Variants in GTSF1 observed in about 807,000 individuals in gnomAD.
GTSF1 encodes gametocyte-specific factor 1.
Under a neutral mutation model 28.9 loss-of-function variants are expected in GTSF1, and 11 were observed. The ratio of observed to expected loss-of-function variants is 0.38; its 90% CI spans 0.24 to 0.63. The LOEUF is 0.63. Among genes scored for constraint, GTSF1 ranks in the 30% least tolerant of loss-of-function variants. The pLI, the probability that GTSF1 is intolerant of heterozygous loss-of-function variation, is 0.56. For missense variants in GTSF1, 146 were observed against 201.0 expected, an observed-to-expected ratio of 0.73 and a Z score of 1.66; for synonymous variants, 69 against 65.6, an observed-to-expected ratio of 1.05 and a Z score of -0.25.
Position 54,461,182 on chromosome 12 carries a change from C to A in GTSF1, c.393-711G>T, listed in dbSNP as rs143980978. On this transcript the variant is annotated intron_variant, in intron 6 of 8. Transcript: ENST00000305879. Reference sequence around the variant, plus strand: ...GATCATGGCTCACTGCAGCCTCGACCTCCTGGGCTTAAATGATCCTCTGGT... The same window carrying A: ...GATCATGGCTCACTGCAGCCTCGACATCCTGGGCTTAAATGATCCTCTGGT... 2.0e-3 allele frequency among the ~76,000 whole-genome samples: 298 copies of A among 152,202 alleles called. 1 individual carries two copies. The highest frequency in any genetic ancestry group is 6.8e-3 in the African/African-American group (281 of 41,532).
At chr12:54,460,578 T>C in intron 6 of GTSF1, 107 bp from the exon 7 acceptor site, 1 of 688,246 alleles carries the variant, frequency 1.5e-6, no homozygotes, top group Non-Finnish European at 2.6e-6. Flanking sequence ...AACAACAACC[T>C]ACATTCATCT....
In GTSF1 at chr12:54,460,459, G is replaced by A. The variant is rs1195576779; in HGVS notation, c.405C>T (p.Asn135=). ...GGTTATTCTTATGTTCTGTAACTAT[G>A]TTGCTCGCAGGGCTGCAAAAAGATG... The part of the protein sequence containing the change: ...HYSDNNSPAS[N]IVTEHKNNLA... The change falls in exon 7 of 9, where the codon AAC becomes AAT. Residue 135 remains asparagine, a synonymous_variant. Transcript: ENST00000305879. 5.6e-6 allele frequency: 9 copies of A among 1,613,094 alleles called. No individual in the cohort carries two copies. The highest frequency in any genetic ancestry group is 7.6e-6 in the Non-Finnish European group (9 of 1,179,288).
chr12:54,463,143 CTGAAA>C, intron 4 of GTSF1, 23 bp downstream of exon 4: 1 of 1,607,234 alleles, frequency 6.2e-7, no homozygotes, highest in Non-Finnish European at 8.5e-7. Context: ...CCCTCCAGTA[CTGAAA>C]TATTTTAGAT....
intron 2 of GTSF1, 27 bp from the exon 3 acceptor site, chr12:54,465,194 T>C: frequency 1.3e-6 from 2 of 1,496,680 alleles, no homozygotes; most frequent in Non-Finnish European, 1.9e-6. Context: ...TTTCAGTAGG[T>C]AAAACGATAA....
chr12:54,459,693 C>T, intron 7 of GTSF1: 2 of 196,214 alleles, frequency 1.0e-5, no homozygotes, highest in Non-Finnish European at 2.1e-5. Flanking sequence ...AATCCAATTT[C>T]TGATCCCAAT....
intron 2 of GTSF1, among the ~76,000 whole-genome samples, chr12:54,465,622 C>A (rs1012920154): frequency 1.3e-5 from 2 of 152,022 alleles, no homozygotes; most frequent in Non-Finnish European, 2.9e-5. Flanking sequence ...CCCCTACCCC[C>A]CATTTCCACA....
At chr12:54,466,440 T>A (rs772021602) in intron 2 of GTSF1, among the ~76,000 whole-genome samples, 10 of 152,154 alleles carry the variant, frequency 6.6e-5, no homozygotes, top group Non-Finnish European at 1.0e-4. Context: ...GAAAGGTGAC[T>A]TGAAGGACAG....
intron 2 of GTSF1, among the ~76,000 whole-genome samples, chr12:54,470,590 C>T (rs573284119): frequency 2.2e-4 from 33 of 152,270 alleles, no homozygotes; most frequent in African/African-American, 7.7e-4. Flanking sequence ...GTTTTATCCA[C>T]GGGCATAAAC....
At chr12:54,469,933 G>A (rs930870363) in intron 2 of GTSF1, among the ~76,000 whole-genome samples, 1 of 152,102 alleles carries the variant, frequency 6.6e-6, no homozygotes, top group Non-Finnish European at 1.5e-5. Flanking sequence ...AGCACTTTGG[G>A]AGGCCAAGGC....
chr12:54,456,093 T>G lies in GTSF1; in HGVS notation c.*81A>C, dbSNP rs190266239. On this transcript the variant is annotated 3_prime_UTR_variant, in exon 9 of 9. Coordinates refer to ENST00000305879, the MANE Select transcript of GTSF1 (RefSeq NM_144594.3). ...GGAGTTTACCATTCTATAATTAGAT[T>G]AGGAGGAAAATGAGAACCCACTGGT... is the stretch of plus-strand genomic sequence containing the variant. 36 of 152,566 alleles carry G rather than the reference T, an allele frequency of 2.4e-4. No homozygotes were observed. The highest frequency in any genetic ancestry group is 7.7e-4 in the African/African-American group (32 of 41,482). The allele number at this position is 152,566 out of a possible 1,614,324, so 9.5% of individuals were successfully genotyped here.
At chr12:54,471,742 G>C (rs1055935836) in intron 1 of GTSF1, 1 of 152,210 alleles carries the variant, frequency 6.6e-6, no homozygotes, top group African/African-American at 2.4e-5. Context: ...CATGAGGGCT[G>C]GGCGTGGTCG....
intron 3 of GTSF1, 197 bp downstream of exon 3, chr12:54,464,870 G>A (rs1311071613): frequency 1.0e-5 from 4 of 401,312 alleles, no homozygotes; most frequent in Non-Finnish European, 1.8e-5. Context: ...TAGTTAATGG[G>A]AAGAAAACCA....
intron 2 of GTSF1, among the ~76,000 whole-genome samples, chr12:54,465,664 G>C (rs1242005077): frequency 6.6e-6 from 1 of 151,858 alleles, no homozygotes; most frequent in African/African-American, 2.4e-5. Context: ...GCAAGTAATA[G>C]TAATACTTGC....
At chr12:54,458,020 CAG>C in intron 8 of GTSF1, among the ~76,000 whole-genome samples, 2 of 152,292 alleles carry the variant, frequency 1.3e-5, no homozygotes, top group South Asian at 2.1e-4. Flanking sequence ...TTTCACTGTT[CAG>C]AGAGAGTGAA....
rs1377733855 is a variant in GTSF1, at chr12:54,471,263, A to G, written c.-15T>C. ...GTTTCTTCCATGTTGGAAATGAAGA[A>G]GCTGAATCCAAGTGCTGGAAAAAAC... On this transcript the variant is annotated 5_prime_UTR_variant, in exon 2 of 9. Coordinates refer to ENST00000305879, the MANE Select transcript of GTSF1 (RefSeq NM_144594.3). 1 of 1,592,162 alleles carries G rather than the reference A, an allele frequency of 6.3e-7. No homozygotes were observed. The highest frequency in any genetic ancestry group is 8.5e-7 in the Non-Finnish European group (1 of 1,171,376).
chr12:54,458,248 T>C (rs1956366168), intron 8 of GTSF1, among the ~76,000 whole-genome samples: 1 of 152,258 alleles, frequency 6.6e-6, no homozygotes, highest in African/African-American at 2.4e-5. Flanking sequence ...AAGGAAAGGC[T>C]TCATCTGTGA....
chr12:54,459,184 C>G (rs1956380774), intron 7 of GTSF1, 59 bp from the exon 8 acceptor site: 1 of 1,526,466 alleles, frequency 6.6e-7, no homozygotes, highest in African/African-American at 1.4e-5. Context: ...CACTCCATCC[C>G]CTATTCTTAC....
intron 2 of GTSF1, among the ~76,000 whole-genome samples, chr12:54,469,119 G>A (rs565099838): frequency 6.6e-6 from 1 of 151,934 alleles, no homozygotes; most frequent in Admixed American, 6.6e-5. Flanking sequence ...TCGGTCTGTC[G>A]CCAGGCTGGA....
intron 8 of GTSF1, among the ~76,000 whole-genome samples, chr12:54,456,807 C>T (rs1220657422): frequency 3.3e-5 from 5 of 152,192 alleles, no homozygotes; most frequent in Admixed American, 1.3e-4. Context: ...ACTTAATGGC[C>T]GGGTGTGGTG....
Sources: gnomAD v4.1 joint callset for allele counts (sites outside exome capture counted in the v4.1 genomes callset) on GRCh38, gnomAD v4.1.1 for gene constraint, MANE v1.5 for transcripts, NCBI Gene and HGNC (gene_info 2026-07-23, HGNC 2026-07-21) for gene names.